The following RBFOX1 variants were observed in gnomAD, a reference collection of about 807,000 sequenced individuals.
The protein encoded by RBFOX1 is RNA binding protein fox-1 homolog 1.
In RBFOX1, 8 loss-of-function variants were observed where a neutral mutation model predicts 57.7. The ratio of observed to expected loss-of-function variants is 0.14; its 90% CI spans 0.08 to 0.25. The LOEUF is 0.25. Among genes scored for constraint, RBFOX1 ranks in the 10% least tolerant of loss-of-function variants. The pLI, the probability that RBFOX1 is intolerant of heterozygous loss-of-function variation, is 1.00. For missense variants in RBFOX1, 611 were observed against 548.5 expected (o/e 1.11, Z -1.14); for synonymous variants, 326 against 222.4 (o/e 1.47, Z -4.15).
At chr16:7,584,972 T>C (rs1018404609) in intron 6 of RBFOX1, among the ~76,000 whole-genome samples, 1 of 152,208 alleles carries the variant, frequency 6.6e-6, no homozygotes, top group African/African-American at 2.4e-5. Context: ...TGCTGTTTGA[T>C]TGGTTCTGTC....
At chr16:7,367,732 C>G (rs1032417283) in intron 4 of RBFOX1, among the ~76,000 whole-genome samples, 2 of 152,150 alleles carry the variant, frequency 1.3e-5, no homozygotes, top group African/African-American at 4.8e-5. Context: ...TAGCTGCAGT[C>G]ATTTTTTTCA....
chr16:7,242,497 C>G (rs567143900), intron 4 of RBFOX1, among the ~76,000 whole-genome samples: 1 of 152,250 alleles, frequency 6.6e-6, no homozygotes, highest in African/African-American at 2.4e-5. Context: ...CAGTGTACCT[C>G]CCCCTGCATC....
intron 1 of RBFOX1, among the ~76,000 whole-genome samples, chr16:5,278,418 A>G (rs548392547): frequency 3.9e-5 from 6 of 152,218 alleles, no homozygotes; most frequent in East Asian, 3.8e-4. Context: ...CATCTTCAGC[A>G]TGAACTCTTT....
rs561123988 is a variant in RBFOX1, at chr16:6,824,060, A to G, written c.-16+169410A>G. Among the ~76,000 whole-genome samples, 27 of 152,266 alleles carry G rather than the reference A, an allele frequency of 1.8e-4. No individual in the cohort carries two copies. In the South Asian group the frequency reaches 2.7e-3, roughly 15 times the overall value. On this transcript the variant is annotated intron_variant, in intron 3 of 15. Coordinates refer to ENST00000550418, the MANE Select transcript of RBFOX1 (RefSeq NM_018723.4). ...TATCTGGATTTCCATATCTTTGTCT[A>G]CACCTTGTATTTTGTAGTAATGGAA... is the stretch of plus-strand genomic sequence containing the variant.
At chr16:7,057,254 A>G (rs893138353) in intron 4 of RBFOX1, among the ~76,000 whole-genome samples, 1 of 152,190 alleles carries the variant, frequency 6.6e-6, no homozygotes, top group African/African-American at 2.4e-5. Flanking sequence ...ACTCCCTCTC[A>G]GTTAAGGTTG....
chr16:5,592,179 T>A (rs2047030584), intron 2 of RBFOX1, among the ~76,000 whole-genome samples: 1 of 152,086 alleles, frequency 6.6e-6, no homozygotes, highest in African/African-American at 2.4e-5. Context: ...TTTTTTTCTA[T>A]GGACTTCCTT....
At chr16:7,044,471 G>A (rs962086281) in intron 3 of RBFOX1, among the ~76,000 whole-genome samples, 8 of 152,198 alleles carry the variant, frequency 5.3e-5, no homozygotes, top group Non-Finnish European at 1.0e-4. Flanking sequence ...AGGAGACGGG[G>A]AAGATGAATC....
At chr16:6,864,563 TA>T (rs915929332) in intron 3 of RBFOX1, among the ~76,000 whole-genome samples, 2 of 149,698 alleles carry the variant, frequency 1.3e-5, no homozygotes, top group Non-Finnish European at 3.0e-5. Flanking sequence ...TTTTTTTTTT[TA>T]ATCATGGCCT....
intron 3 of RBFOX1, among the ~76,000 whole-genome samples, chr16:6,965,834 C>T (rs898384279): frequency 1.3e-5 from 2 of 152,074 alleles, no homozygotes; most frequent in African/African-American, 2.4e-5. Context: ...GAAATAGGTG[C>T]TGTCGCATCC....
chr16:7,417,528 T>TTGTGTGTG (rs545621108), intron 4 of RBFOX1, among the ~76,000 whole-genome samples: 40 of 68,458 alleles, frequency 5.8e-4, no homozygotes, highest in African/African-American at 1.7e-3. Flanking sequence ...TCACATGGTA[T>TTGTGTGTG]TGTGTGTGTG....
rs60363543 is a variant in RBFOX1, at chr16:6,829,246, G to GA, written c.-16+174610dup. Among the ~76,000 whole-genome samples the GA allele has an allele frequency of 4.5e-3, 639 of 141,462 alleles. 5 individuals carry two copies. The highest frequency in any genetic ancestry group is 8.7e-3 in the South Asian group (39 of 4,490). The allele number at this position is 141,462 out of a possible 152,430, so 92.8% of individuals were successfully genotyped here. A position where few individuals can be genotyped will look rare whatever the true frequency, so the allele number is the denominator to read the frequency against. On this transcript the variant is annotated intron_variant, in intron 3 of 15. Transcript: ENST00000550418. ...AAAGGAAGTTAATGAAATGCAGTCA[G>GA]AAAAAAAAAAAAAATAGCATAAAAG... is the stretch of plus-strand genomic sequence containing the variant.
chr16:5,713,259 T>C (rs1200246529), intron 3 of RBFOX1, among the ~76,000 whole-genome samples: 2 of 152,152 alleles, frequency 1.3e-5, no homozygotes, highest in Non-Finnish European at 2.9e-5. Context: ...AGGCAGCCTT[T>C]TGGATTCATC....
At chr16:5,824,352 T>G (rs1212312480) in intron 3 of RBFOX1, among the ~76,000 whole-genome samples, 1 of 152,180 alleles carries the variant, frequency 6.6e-6, no homozygotes, top group Non-Finnish European at 1.5e-5. Context: ...CTTACAGTCA[T>G]GGAGCTTGTC....
intron 1 of RBFOX1, among the ~76,000 whole-genome samples, chr16:6,206,294 T>C (rs1397510836): frequency 6.6e-6 from 1 of 152,130 alleles, no homozygotes; most frequent in Non-Finnish European, 1.5e-5. Flanking sequence ...GGCCGCTCTT[T>C]CCTGCTTACT....
At chr16:6,895,828 C>T (rs1049414377) in intron 3 of RBFOX1, among the ~76,000 whole-genome samples, 7 of 151,996 alleles carry the variant, frequency 4.6e-5, no homozygotes, top group Non-Finnish European at 7.4e-5. Flanking sequence ...TTGTTTAAAC[C>T]TCTTGGGATC....
intron 3 of RBFOX1, among the ~76,000 whole-genome samples, chr16:7,026,418 G>A (rs1344113682): frequency 6.6e-6 from 1 of 152,160 alleles, no homozygotes; most frequent in East Asian, 1.9e-4. Flanking sequence ...ACAGTTGAGG[G>A]CAGCACTTAC....
At chr16:6,238,090 C>CA (rs368995420) in intron 1 of RBFOX1, among the ~76,000 whole-genome samples, 3,172 of 65,344 alleles carry the variant, frequency 0.049, 67 homozygotes, top group East Asian at 0.11. Flanking sequence ...GACTCTGTCT[C>CA]AAAAAAAAAA....
intron 4 of RBFOX1, among the ~76,000 whole-genome samples, chr16:7,380,823 T>C (rs111680295): frequency 2.6e-4 from 39 of 152,372 alleles, no homozygotes; most frequent in East Asian, 3.9e-4. Flanking sequence ...TCAGATTTCA[T>C]AGAAGCAGGG....
At chr16:7,212,943 A>C (rs2091414911) in intron 4 of RBFOX1, among the ~76,000 whole-genome samples, 1 of 152,148 alleles carries the variant, frequency 6.6e-6, no homozygotes, top group Non-Finnish European at 1.5e-5. Flanking sequence ...TTACCGTGCC[A>C]CTCATATTTT....
Sources: allele counts gnomAD v4.1 joint callset (sites outside exome capture counted in the v4.1 genomes callset), GRCh38; gene constraint gnomAD v4.1.1; transcripts MANE v1.5; gene names NCBI Gene and HGNC (gene_info 2026-07-23, HGNC 2026-07-21).